VPS13B: variants seen among roughly 807,000 people sequenced by gnomAD.
The protein encoded by VPS13B is intermembrane lipid transfer protein VPS13B.
In VPS13B, 285 loss-of-function variants were observed where a neutral mutation model predicts 426.4. That is an observed-to-expected ratio of 0.67 (90% CI 0.61 to 0.74). The LOEUF (loss-of-function observed/expected upper bound fraction) is 0.74. Ranked by LOEUF, VPS13B falls within the 30% of genes least tolerant of loss-of-function variation. The pLI, the probability that VPS13B is intolerant of heterozygous loss-of-function variation, is 0.00. For missense variants in VPS13B, 4,537 were observed against 4,782.6 expected (o/e 0.95, Z 1.51); for synonymous variants, 1,676 against 1,676.4 (o/e 1.00, Z 0.01).
intron 36 of VPS13B, among the ~76,000 whole-genome samples, chr8:99,709,133 G>C (rs1407843259): frequency 6.6e-6 from 1 of 152,130 alleles, no homozygotes; most frequent in Admixed American, 6.6e-5. Context: ...ATGCTTCACT[G>C]TTATGCAAAT....
At chr8:99,519,721 T>C (rs1001676703) in intron 29 of VPS13B, among the ~76,000 whole-genome samples, 3 of 145,724 alleles carry the variant, frequency 2.1e-5, no homozygotes, top group South Asian at 2.1e-4. Flanking sequence ...AAACACCACA[T>C]GTTCTCACTC....
At chr8:99,391,012 A>G (rs190333838) in intron 20 of VPS13B, among the ~76,000 whole-genome samples, 115 of 152,310 alleles carry the variant, frequency 7.6e-4, no homozygotes, top group African/African-American at 2.4e-3. Flanking sequence ...ATCTTTTGTC[A>G]GACAAAACGT....
chr8:99,748,454 G>T (rs542782932), intron 39 of VPS13B, among the ~76,000 whole-genome samples: 1 of 151,988 alleles, frequency 6.6e-6, no homozygotes, highest in Non-Finnish European at 1.5e-5. Context: ...ACAGATGTAT[G>T]GTTTGATATG....
chr8:99,565,733 A>G (rs1486995431), intron 31 of VPS13B, among the ~76,000 whole-genome samples: 1 of 152,130 alleles, frequency 6.6e-6, no homozygotes, highest in Admixed American at 6.5e-5. Context: ...AGGAATATGG[A>G]AAGAAAGAAG....
chr8:99,475,683 A>C (rs1446311457), intron 24 of VPS13B, among the ~76,000 whole-genome samples: 2 of 152,172 alleles, frequency 1.3e-5, no homozygotes, highest in Non-Finnish European at 2.9e-5. Flanking sequence ...CTCTAAGCAA[A>C]GTCATCAGCT....
chr8:99,251,962 CTCTT>C (rs1232747436), intron 17 of VPS13B, among the ~76,000 whole-genome samples: 9 of 151,588 alleles, frequency 5.9e-5, no homozygotes, highest in African/African-American at 2.2e-4. Flanking sequence ...TATGGTTTCT[CTCTT>C]TCTTATTAGA....
chr8:99,031,655 C>A (rs973278171), intron 2 of VPS13B, among the ~76,000 whole-genome samples: 2 of 152,174 alleles, frequency 1.3e-5, no homozygotes, highest in African/African-American at 4.8e-5. Flanking sequence ...GATTTCTTCA[C>A]CCGTCATCAA....
At chr8:99,666,768 T>C (rs2129832696) in intron 35 of VPS13B, among the ~76,000 whole-genome samples, 1 of 152,204 alleles carries the variant, frequency 6.6e-6, no homozygotes, top group South Asian at 2.1e-4. Flanking sequence ...ATGCCCCCTC[T>C]TACCACTCCT....
intron 21 of VPS13B, among the ~76,000 whole-genome samples, chr8:99,419,151 C>T (rs1428199697): frequency 6.6e-6 from 1 of 152,132 alleles, no homozygotes; most frequent in Admixed American, 6.6e-5. Flanking sequence ...CAACATCCCC[C>T]TAGTGCTGTC....
intron 39 of VPS13B, among the ~76,000 whole-genome samples, chr8:99,766,066 CT>C (rs71274933): frequency 0.026 from 1,382 of 52,214 alleles, 1 homozygote; most frequent in Non-Finnish European, 0.031. Context: ...ACCTTCATTA[CT>C]TTTTTTTTTT....
At chr8:99,751,210 T>C (rs1343329924) in intron 39 of VPS13B, among the ~76,000 whole-genome samples, 1 of 152,168 alleles carries the variant, frequency 6.6e-6, no homozygotes, top group African/African-American at 2.4e-5. Context: ...TTCTTTCTCC[T>C]TCCTGTTATC....
At chr8:99,524,154 T>A (rs1377343724) in intron 30 of VPS13B, among the ~76,000 whole-genome samples, 2 of 151,810 alleles carry the variant, frequency 1.3e-5, no homozygotes, top group Non-Finnish European at 2.9e-5. Flanking sequence ...AAGAAAGAAT[T>A]AGTAAGCTTG....
intron 25 of VPS13B, among the ~76,000 whole-genome samples, chr8:99,497,285 C>T (rs1820972399): frequency 1.5e-5 from 2 of 134,840 alleles, no homozygotes; most frequent in South Asian, 2.4e-4. Context: ...TTTATATATA[C>T]ATAAAAATGC....
At chr8:99,437,522 A>G (rs1401701322) in intron 22 of VPS13B, among the ~76,000 whole-genome samples, 2 of 152,042 alleles carry the variant, frequency 1.3e-5, no homozygotes, top group East Asian at 3.9e-4. Context: ...GTTCAAGACC[A>G]GCATGGCTAA....
chr8:99,187,802 C>G (rs1639738689), intron 16 of VPS13B, among the ~76,000 whole-genome samples: 2 of 151,984 alleles, frequency 1.3e-5, no homozygotes, highest in Non-Finnish European at 2.9e-5. Context: ...GATCCTGTCT[C>G]TATAAAAAAA....
In VPS13B at chr8:99,832,478, A is replaced by G. The variant is rs1251314702; in HGVS notation, c.9440A>G (p.Gln3147Arg). 6.2e-7 allele frequency: 1 copy of G among 1,612,806 alleles called. No individual in the cohort carries two copies. Among genetic ancestry groups the G allele is most frequent in the Non-Finnish European group, 8.5e-7 (1 of 1,179,840 alleles). Reference protein sequence around the residue: ...PCWDLMPDISQSVLDASLLQK... With the variant: ...PCWDLMPDISRSVLDASLLQK... ...TGGGACTTGATGCCTGACATCAGTC[A>G]GTCAGTACTGGATGCATCCCTGCTT... The change falls in exon 52 of 62, where the codon CAG (glutamine) becomes CGG (arginine). Residue 3147 changes from glutamine to arginine, a missense_variant. By Grantham distance (43) the Gln-to-Arg change is conservative. Coordinates refer to ENST00000357162, the MANE Select transcript of VPS13B (RefSeq NM_152564.5).
At chr8:99,643,245 G>C (rs1385631505) in intron 34 of VPS13B, among the ~76,000 whole-genome samples, 1 of 151,936 alleles carries the variant, frequency 6.6e-6, no homozygotes, top group African/African-American at 2.4e-5. Context: ...AACTGGAGAG[G>C]GTAGCTGGGT....
In VPS13B at chr8:99,744,738, C is replaced by G. The variant is rs559912960; in HGVS notation, c.7051-22036C>G. Among the ~76,000 whole-genome samples, 55 of 150,052 alleles carry G rather than the reference C, an allele frequency of 3.7e-4. No homozygotes were observed. In the East Asian group the frequency reaches 0.01, roughly 28 times the overall value. ...CTCAAGAACAAAAAACCAAACACTG[C>G]ATATTCTCACTCATAGGTGGGAATT... On this transcript the variant is annotated intron_variant, in intron 39 of 61. Coordinates refer to ENST00000357162, the MANE Select transcript of VPS13B (RefSeq NM_152564.5).
In VPS13B at chr8:99,511,122, G is replaced by C; in HGVS notation, c.4243G>C (p.Asp1415His). 1 of 1,613,094 alleles carries C rather than the reference G, an allele frequency of 6.2e-7. No individual in the cohort carries two copies. Among genetic ancestry groups the C allele is most frequent in the Non-Finnish European group, 8.5e-7 (1 of 1,179,954 alleles). The stretch of plus-strand genomic sequence containing the variant: ...GGAACAGACAACTACAAAACTTCTA[G>C]ATGGCACTCATCAGCAGCATGGATT... ...EKSVTTTKLLDGTHQQHGFLS... is the reference protein window; with the variant it reads ...EKSVTTTKLLHGTHQQHGFLS... Residue 1415 changes from aspartate to histidine, a missense_variant, in exon 29 of 62, where the codon GAT becomes CAT. By Grantham distance (81) the Asp-to-His change is moderately conservative (BLOSUM62 -1). This residue lies in a region of VPS13B where 4,311 missense variants were observed against 4,474.3 expected (regional missense o/e 0.96). Transcript: ENST00000357162.
Sources: allele counts gnomAD v4.1 joint callset (sites outside exome capture counted in the v4.1 genomes callset), GRCh38; gene constraint gnomAD v4.1.1; regional missense constraint gnomAD v4.1.1; transcripts MANE v1.5; gene names NCBI Gene and HGNC (gene_info 2026-07-23, HGNC 2026-07-21).